Variants in FMN2 observed in about 807,000 individuals in gnomAD.
FMN2 encodes the protein formin-2.
In FMN2, 51 loss-of-function variants were observed where a neutral mutation model predicts 142.3. That is an observed-to-expected ratio of 0.36 (90% CI 0.29 to 0.45). The LOEUF (loss-of-function observed/expected upper bound fraction) is 0.45, where lower values mean the gene tolerates loss of function less well. Among genes scored for constraint, FMN2 ranks in the 20% least tolerant of loss-of-function variants. The pLI is 1.00. For missense variants in FMN2, 1,936 were observed against 2,122.8 expected, an observed-to-expected ratio of 0.91 and a Z score of 1.73; for synonymous variants, 882 against 869.8, an observed-to-expected ratio of 1.01 and a Z score of -0.25.
intron 14 of FMN2, among the ~76,000 whole-genome samples, chr1:240,391,970 G>T (rs2103097470): frequency 6.6e-6 from 1 of 152,236 alleles, no homozygotes; most frequent in Admixed American, 6.5e-5. Flanking sequence ...AAATAAAAAT[G>T]ATAGCAAGTA....
At chr1:240,331,991 A>C (rs1225673124) in intron 11 of FMN2, among the ~76,000 whole-genome samples, 2 of 152,156 alleles carry the variant, frequency 1.3e-5, no homozygotes, top group African/African-American at 4.8e-5. Context: ...AAAGTCAAAA[A>C]ATTGTAAGAT....
rs552108844 is a variant in FMN2 at position 240,297,345 on chromosome 1, T to C, written c.4215+2462T>C. 4.1e-4 allele frequency among the ~76,000 whole-genome samples: 62 copies of C among 152,110 alleles called. 1 individual carries two copies. Among genetic ancestry groups the C allele is most frequent in the Admixed American group, 3.9e-3 (59 of 15,278 alleles). ...GTGTGGTGGCTCATGCCTGTAATCC[T>C]AGCACTTTGGGAGGCCAAGGCGGGA... On this transcript the variant is annotated intron_variant, in intron 8 of 17. Transcript: ENST00000319653.
At position 240,342,970 on chromosome 1, in the gene FMN2, GA is replaced by G. The variant is rs370109957; in HGVS notation, c.4765+8751del. ...AAGATCTGTAAAATTCTCCCAAGAG[GA>G]AAAAAAAAATAGTATTTCAAGCATG... On this transcript the variant is annotated intron_variant, in intron 13 of 17. Coordinates refer to ENST00000319653, the MANE Select transcript of FMN2 (RefSeq NM_020066.5). Among the ~76,000 whole-genome samples the G allele has an allele frequency of 1.2e-3, 177 of 148,142 alleles. 2 individuals carry two copies. The highest frequency in any genetic ancestry group is 8.5e-4 in the South Asian group (4 of 4,704).
chr1:240,220,695 GTT>G (rs1443730997), intron 6 of FMN2, among the ~76,000 whole-genome samples: 1 of 144,626 alleles, frequency 6.9e-6, no homozygotes, highest in Admixed American at 6.9e-5. Context: ...GTGTGTGTGT[GTT>G]ATTAATCCCA....
intron 6 of FMN2, among the ~76,000 whole-genome samples, chr1:240,238,217 T>C (rs1316026796): frequency 6.6e-6 from 1 of 152,212 alleles, no homozygotes; most frequent in African/African-American, 2.4e-5. Context: ...AATAAGGTAA[T>C]GATGATTGAG....
chr1:240,121,790 A>G (rs187228820), intron 1 of FMN2, among the ~76,000 whole-genome samples: 4 of 139,698 alleles, frequency 2.9e-5, no homozygotes, highest in Non-Finnish European at 6.1e-5. Flanking sequence ...GACCTATGCT[A>G]GAGTTATATT....
At chr1:240,263,271 A>C (rs1376918628) in intron 7 of FMN2, among the ~76,000 whole-genome samples, 1 of 152,162 alleles carries the variant, frequency 6.6e-6, no homozygotes, top group Non-Finnish European at 1.5e-5. Context: ...GATCTATCTG[A>C]AAGGTTTGCT....
intron 5 of FMN2, among the ~76,000 whole-genome samples, chr1:240,209,453 C>A (rs1268740007): frequency 6.7e-6 from 1 of 150,226 alleles, no homozygotes; most frequent in Non-Finnish European, 1.5e-5. Flanking sequence ...CGGGGTTTCA[C>A]CGTGTTAGCC....
Position 240,091,910 on chromosome 1 carries a change from A to T in FMN2, c.-200A>T, listed in dbSNP as rs764730152. 8.8e-6 allele frequency: 8 copies of T among 904,980 alleles called. No homozygotes were observed. Among genetic ancestry groups the T allele is most frequent in the Non-Finnish European group, 1.2e-5 (8 of 656,746 alleles). 56.1% of individuals were successfully genotyped at this position (904,980 alleles called of 1,614,324 possible). A position where few individuals can be genotyped will look rare whatever the true frequency, so the allele number is the denominator to read the frequency against. ...AGCCGCAGCCGCAGCGACGGCAGCC[A>T]CGGGAGCCGCCGCGCATTATGCAAA... On this transcript the variant is annotated 5_prime_UTR_variant, in exon 1 of 18. Coordinates refer to ENST00000319653, the MANE Select transcript of FMN2 (RefSeq NM_020066.5).
chr1:240,249,198 CCT>C (rs781040465), intron 6 of FMN2, among the ~76,000 whole-genome samples: 2 of 151,898 alleles, frequency 1.3e-5, no homozygotes, highest in African/African-American at 2.4e-5. Flanking sequence ...AAGTATTTTC[CCT>C]CTGTTTACTT....
chr1:240,124,167 A>T (rs1202719268), intron 2 of FMN2, among the ~76,000 whole-genome samples: 4 of 152,212 alleles, frequency 2.6e-5, no homozygotes, highest in Non-Finnish European at 4.4e-5. Context: ...AACATGAGGT[A>T]CAAATACCTC....
chr1:240,126,387 C>T (rs544779918), intron 2 of FMN2, among the ~76,000 whole-genome samples: 15 of 144,854 alleles, frequency 1.0e-4, no homozygotes, highest in African/African-American at 3.9e-4. Context: ...TTGTTCCCTT[C>T]CCTGATGGGT....
chr1:240,405,290 A>G (rs1674108726), intron 15 of FMN2, among the ~76,000 whole-genome samples: 1 of 152,178 alleles, frequency 6.6e-6, no homozygotes, highest in Non-Finnish European at 1.5e-5. Context: ...AAAAAATAGA[A>G]AGTAGAAAGG....
intron 6 of FMN2, among the ~76,000 whole-genome samples, chr1:240,233,659 A>C (rs1287667440): frequency 6.6e-6 from 1 of 152,142 alleles, no homozygotes. Context: ...ATTAATTAGT[A>C]GGACCTTACA....
intron 16 of FMN2, among the ~76,000 whole-genome samples, chr1:240,460,470 T>A (rs1676412654): frequency 6.6e-6 from 1 of 152,114 alleles, no homozygotes; most frequent in Non-Finnish European, 1.5e-5. Context: ...CAGGTGCCTG[T>A]AATCCCAGCT....
chr1:240,209,920 G>GTAAATAAA (rs551517577), intron 5 of FMN2, among the ~76,000 whole-genome samples: 4 of 151,412 alleles, frequency 2.6e-5, no homozygotes, highest in African/African-American at 9.7e-5. Context: ...AAGTAAGTAA[G>GTAAATAAA]TAAATAAATA....
chr1:240,114,943 A>G (rs1661964177), intron 1 of FMN2, among the ~76,000 whole-genome samples: 1 of 152,160 alleles, frequency 6.6e-6, no homozygotes, highest in Non-Finnish European at 1.5e-5. Context: ...GGCGTGAGCC[A>G]CCGCGCCCGG....
chr1:240,250,350 T>C (rs998385650), intron 6 of FMN2, among the ~76,000 whole-genome samples: 5 of 152,174 alleles, frequency 3.3e-5, no homozygotes, highest in Admixed American at 3.3e-4. Flanking sequence ...GAGATGATCA[T>C]ATGGCTTTTG....
At chr1:240,169,724 C>G (rs987501448) in intron 2 of FMN2, among the ~76,000 whole-genome samples, 1 of 152,108 alleles carries the variant, frequency 6.6e-6, no homozygotes. Context: ...ATACTCCTGC[C>G]TCGGCCTTCT....
Sources: allele counts gnomAD v4.1 joint callset (sites outside exome capture counted in the v4.1 genomes callset), GRCh38; gene constraint gnomAD v4.1.1; transcripts MANE v1.5; gene names NCBI Gene and HGNC (gene_info 2026-07-23, HGNC 2026-07-21).